Variants in CCSER1 observed in about 807,000 individuals in gnomAD.
CCSER1 encodes serine-rich coiled-coil domain-containing protein 1.
A neutral mutation model predicts 82.0 loss-of-function variants in CCSER1; 41 were observed. The observed-to-expected ratio is 0.50, with a 90% confidence interval of 0.39 to 0.65. CCSER1 has a LOEUF of 0.65. CCSER1 is among the 30% of genes least tolerant of loss of function. CCSER1 has a pLI of 0.00. For synonymous variants in CCSER1, 414 were observed against 383.9 expected, an observed-to-expected ratio of 1.08 and a Z score of -0.92; for missense variants, 1,119 against 1,064.2, an observed-to-expected ratio of 1.05 and a Z score of -0.72.
intron 1 of CCSER1, among the ~76,000 whole-genome samples, chr4:90,295,590 C>A (rs983333440): frequency 6.6e-6 from 1 of 151,862 alleles, no homozygotes; most frequent in Non-Finnish European, 1.5e-5. Context: ...ATTTGTATTT[C>A]TTCTTTCAGG....
chr4:91,122,009 A>G (rs1235070904), intron 10 of CCSER1, among the ~76,000 whole-genome samples: 2 of 151,746 alleles, frequency 1.3e-5, no homozygotes, highest in African/African-American at 4.8e-5. Flanking sequence ...GAATGAATGA[A>G]GAAGAAATTA....
At chr4:91,510,393 C>A (rs547776576) in intron 10 of CCSER1, among the ~76,000 whole-genome samples, 2 of 152,146 alleles carry the variant, frequency 1.3e-5, no homozygotes, top group South Asian at 2.1e-4. Context: ...ATTTTTAGTT[C>A]TTTGAGAAAT....
chr4:90,498,307 T>C lies in CCSER1; in HGVS notation c.1724+29953T>C, dbSNP rs939645217. On this transcript the variant is annotated intron_variant, in intron 5 of 10. Transcript: ENST00000509176. ...TAGTCTCTCCCTCTCTTTCAAAATATCTTATTGTTTGTAATATTTTCAGAC... is the reference window on the plus strand; with the variant it reads ...TAGTCTCTCCCTCTCTTTCAAAATACCTTATTGTTTGTAATATTTTCAGAC... Among the ~76,000 whole-genome samples the C allele has an allele frequency of 6.6e-5, 10 of 152,308 alleles. No individual in the cohort carries two copies. The East Asian group carries it at 1.7e-3, about 26-fold the overall frequency.
chr4:91,444,941 C>G (rs962318422), intron 10 of CCSER1, among the ~76,000 whole-genome samples: 1 of 152,200 alleles, frequency 6.6e-6, no homozygotes, highest in Admixed American at 6.5e-5. Flanking sequence ...CTTCAGTGTG[C>G]TGTGCTTCAG....
chr4:91,559,757 T>C (rs1337861135), intron 10 of CCSER1, among the ~76,000 whole-genome samples: 2 of 151,036 alleles, frequency 1.3e-5, no homozygotes, highest in Non-Finnish European at 3.0e-5. Context: ...TATAAGTCAT[T>C]ATTAGAAAAA....
intron 3 of CCSER1, among the ~76,000 whole-genome samples, chr4:90,373,586 A>G (rs1411034441): frequency 1.3e-5 from 2 of 152,168 alleles, no homozygotes; most frequent in Non-Finnish European, 2.9e-5. Context: ...TTATTTAGTG[A>G]TCAATTGCTT....
intron 10 of CCSER1, among the ~76,000 whole-genome samples, chr4:91,534,595 A>G (rs28558311): frequency 0.042 from 6,339 of 152,036 alleles, 276 homozygotes; most frequent in African/African-American, 0.11. Context: ...TAAACATTCT[A>G]TAAGTGTTGC....
At chr4:91,411,437 C>G (rs1753012346) in intron 10 of CCSER1, among the ~76,000 whole-genome samples, 1 of 133,902 alleles carries the variant, frequency 7.5e-6, no homozygotes, top group Non-Finnish European at 1.6e-5. Context: ...TCTGATACCA[C>G]CTTCCAGATA....
At chr4:91,508,681 A>G (rs1265239008) in intron 10 of CCSER1, among the ~76,000 whole-genome samples, 5 of 151,348 alleles carry the variant, frequency 3.3e-5, no homozygotes, top group African/African-American at 1.2e-4. Context: ...AAAAATTGCT[A>G]TTATTTCTTC....
intron 10 of CCSER1, among the ~76,000 whole-genome samples, chr4:91,117,259 A>G (rs1465086311): frequency 6.6e-6 from 1 of 152,212 alleles, no homozygotes; most frequent in East Asian, 1.9e-4. Context: ...CAGATTATGA[A>G]TATGATCATT....
At chr4:91,084,829 T>C (rs1022868052) in intron 9 of CCSER1, among the ~76,000 whole-genome samples, 1 of 152,198 alleles carries the variant, frequency 6.6e-6, no homozygotes, top group South Asian at 2.1e-4. Flanking sequence ...TTAGTTAATA[T>C]GTATGTTCAT....
rs149133719 is a variant in CCSER1 at position 90,723,777 on chromosome 4, C to A, written c.1933-137C>A. On this transcript the variant is annotated intron_variant, in intron 6 of 10. Transcript: ENST00000509176. Reference sequence around the variant, plus strand: ...TATTATATAATTATGATTAAATCTACGTTAAATCTGATTTTTTACATTCAT... The same window carrying A: ...TATTATATAATTATGATTAAATCTAAGTTAAATCTGATTTTTTACATTCAT... 85 of 414,876 alleles carry A rather than the reference C, an allele frequency of 2.0e-4. No homozygotes were observed. In the East Asian group the frequency reaches 2.1e-3, roughly 10 times the overall value. 25.7% of individuals were successfully genotyped at this position (414,876 alleles called of 1,614,324 possible). A position where few individuals can be genotyped will look rare whatever the true frequency, so the allele number is the denominator to read the frequency against.
intron 5 of CCSER1, among the ~76,000 whole-genome samples, chr4:90,581,342 A>G (rs1579286403): frequency 6.6e-6 from 1 of 152,142 alleles, no homozygotes; most frequent in African/African-American, 2.4e-5. Context: ...AGAAAAAAAG[A>G]CTTTTAGTAG....
intron 7 of CCSER1, among the ~76,000 whole-genome samples, chr4:90,736,975 AAG>A (rs758170905): frequency 6.6e-6 from 1 of 152,120 alleles, no homozygotes; most frequent in Non-Finnish European, 1.5e-5. Context: ...ACAAACAAAC[AAG>A]TACAGAGAAA....
At chr4:90,424,783 G>T (rs1757304494) in intron 4 of CCSER1, among the ~76,000 whole-genome samples, 1 of 152,080 alleles carries the variant, frequency 6.6e-6, no homozygotes, top group Non-Finnish European at 1.5e-5. Flanking sequence ...AATTTTATCG[G>T]ATGTCAATTA....
chr4:90,406,870 A>G (rs1235187215), intron 4 of CCSER1, among the ~76,000 whole-genome samples: 3 of 152,218 alleles, frequency 2.0e-5, no homozygotes, highest in Non-Finnish European at 1.5e-5. Context: ...GCTAAGAGGA[A>G]AGTTCATAGA....
At chr4:91,257,786 A>G (rs1247219276) in intron 10 of CCSER1, among the ~76,000 whole-genome samples, 1 of 152,144 alleles carries the variant, frequency 6.6e-6, no homozygotes, top group Non-Finnish European at 1.5e-5. Context: ...GTGGAAAAGG[A>G]TATGCAGATG....
intron 3 of CCSER1, among the ~76,000 whole-genome samples, chr4:90,358,626 G>T (rs1298398245): frequency 6.6e-6 from 1 of 151,984 alleles, no homozygotes; most frequent in Non-Finnish European, 1.5e-5. Flanking sequence ...CAAATTTGTT[G>T]TATTTATAAT....
chr4:91,367,703 T>A (rs765767730), intron 10 of CCSER1, among the ~76,000 whole-genome samples: 8 of 152,152 alleles, frequency 5.3e-5, no homozygotes, highest in South Asian at 2.1e-4. Flanking sequence ...TATTCAAGAC[T>A]TTCCTCTCTC....
Sources: allele counts gnomAD v4.1 joint callset (sites outside exome capture counted in the v4.1 genomes callset), GRCh38; gene constraint gnomAD v4.1.1; transcripts MANE v1.5; gene names NCBI Gene and HGNC (gene_info 2026-07-23, HGNC 2026-07-21).